FMNL2: variants seen among roughly 807,000 people sequenced by gnomAD.
FMNL2 encodes the protein formin-like protein 2.
A neutral mutation model predicts 130.2 loss-of-function variants in FMNL2; 51 were observed. That is an observed-to-expected ratio of 0.39 (90% CI 0.31 to 0.49). The LOEUF (loss-of-function observed/expected upper bound fraction) is 0.49. Ranked by LOEUF, FMNL2 falls within the 20% of genes least tolerant of loss-of-function variation. FMNL2 has a pLI of 0.85. For missense variants in FMNL2, 977 were observed against 1,316.2 expected (o/e 0.74, Z 3.99); for synonymous variants, 465 against 467.1 (o/e 1.00, Z 0.06).
intron 1 of FMNL2, among the ~76,000 whole-genome samples, chr2:152,519,094 C>G (rs1411813162): frequency 6.6e-6 from 1 of 152,102 alleles, no homozygotes; most frequent in Non-Finnish European, 1.5e-5. Flanking sequence ...TTGAGGCTTC[C>G]CTTGTTCACT....
At chr2:152,490,616 T>TGTGTG (rs70974867) in intron 1 of FMNL2, among the ~76,000 whole-genome samples, 148 of 142,046 alleles carry the variant, frequency 1.0e-3, no homozygotes, top group Middle Eastern at 3.7e-3. Context: ...TGTGTGTGTG[T>TGTGTG]TGGATAAACT....
intron 6 of FMNL2, among the ~76,000 whole-genome samples, chr2:152,562,670 G>A (rs1422976445): frequency 2.0e-5 from 3 of 152,222 alleles, no homozygotes; most frequent in East Asian, 1.9e-4. Context: ...GTAGGCCAAA[G>A]GTTGTGCAAC....
chr2:152,592,743 A>C (rs1420835672), intron 9 of FMNL2, among the ~76,000 whole-genome samples: 1 of 152,202 alleles, frequency 6.6e-6, no homozygotes. Flanking sequence ...AAATGGGCCT[A>C]CTGACGTCTC....
chr2:152,459,183 A>G (rs566244620), intron 1 of FMNL2, among the ~76,000 whole-genome samples: 20 of 152,328 alleles, frequency 1.3e-4, no homozygotes, highest in African/African-American at 4.6e-4. Flanking sequence ...AAGATGGCCA[A>G]TTTTTGAGAA....
chr2:152,618,078 T>C (rs562292478), intron 13 of FMNL2, among the ~76,000 whole-genome samples: 1 of 152,328 alleles, frequency 6.6e-6, no homozygotes, highest in African/African-American at 2.4e-5. Context: ...AGAGATCGCT[T>C]GTACAAGGCC....
intron 1 of FMNL2, among the ~76,000 whole-genome samples, chr2:152,384,278 C>T (rs915876534): frequency 6.6e-6 from 1 of 152,156 alleles, no homozygotes; most frequent in Non-Finnish European, 1.5e-5. Flanking sequence ...CTGTTTGTTA[C>T]TTAAGTTGTA....
intron 1 of FMNL2, among the ~76,000 whole-genome samples, chr2:152,439,952 A>T (rs1212129236): frequency 2.6e-5 from 4 of 151,480 alleles, no homozygotes; most frequent in African/African-American, 9.7e-5. Flanking sequence ...AAAAGTCAGG[A>T]CCTTAACCAC....
chr2:152,424,515 C>T lies in FMNL2; in HGVS notation c.117+88795C>T, dbSNP rs144429629. On this transcript the variant is annotated intron_variant, in intron 1 of 25. Transcript: ENST00000288670. The stretch of plus-strand genomic sequence containing the variant: ...AAGTGATTCTCCTGCCTCAGCCTCC[C>T]GAATAGCTGGGATTACAGGCGTGCG... Among the ~76,000 whole-genome samples, 1,074 of 152,048 alleles carry T rather than the reference C, an allele frequency of 7.1e-3. 12 individuals are homozygous for T. Among genetic ancestry groups the T allele is most frequent in the African/African-American group, 0.024 (1,016 of 41,488 alleles).
At chr2:152,451,975 G>C (rs1312975683) in intron 1 of FMNL2, among the ~76,000 whole-genome samples, 1 of 152,092 alleles carries the variant, frequency 6.6e-6, no homozygotes, top group Non-Finnish European at 1.5e-5. Context: ...CCAGGCCCGT[G>C]GGCTCCCTGG....
intron 1 of FMNL2, among the ~76,000 whole-genome samples, chr2:152,347,998 T>C (rs1246143407): frequency 6.6e-6 from 1 of 151,958 alleles, no homozygotes; most frequent in Non-Finnish European, 1.5e-5. Context: ...CTCCTTCGTA[T>C]TTTTTTCCCC....
intron 9 of FMNL2, among the ~76,000 whole-genome samples, chr2:152,583,772 C>G (rs1696918394): frequency 6.6e-6 from 1 of 152,188 alleles, no homozygotes; most frequent in Admixed American, 6.5e-5. Flanking sequence ...TTATCAGCCC[C>G]AAGCTTCTGC....
At chr2:152,545,674 A>C (rs1694588169) in intron 3 of FMNL2, among the ~76,000 whole-genome samples, 1 of 152,182 alleles carries the variant, frequency 6.6e-6, no homozygotes, top group African/African-American at 2.4e-5. Context: ...GGCTCATCCC[A>C]GGCCTCCCTT....
intron 9 of FMNL2, among the ~76,000 whole-genome samples, chr2:152,602,171 A>G (rs1453305987): frequency 6.6e-6 from 1 of 152,166 alleles, no homozygotes; most frequent in Non-Finnish European, 1.5e-5. Flanking sequence ...AAAGAGAGGC[A>G]GTTGTATTAG....
intron 25 of FMNL2, among the ~76,000 whole-genome samples, chr2:152,646,685 A>C (rs1316086704): frequency 1.3e-5 from 2 of 152,122 alleles, no homozygotes; most frequent in African/African-American, 2.4e-5. Context: ...CAAAAGATTC[A>C]ATTTGGTTTA....
chr2:152,374,414 C>CTGATCAGGTA (rs1241052919), intron 1 of FMNL2, among the ~76,000 whole-genome samples: 41 of 152,222 alleles, frequency 2.7e-4, no homozygotes, highest in African/African-American at 9.6e-4. Flanking sequence ...CGCAGATTTT[C>CTGATCAGGTA]TTGATCAGAT....
intron 1 of FMNL2, among the ~76,000 whole-genome samples, chr2:152,429,846 A>C (rs1687403849): frequency 2.0e-5 from 3 of 152,192 alleles, no homozygotes; most frequent in South Asian, 4.1e-4. Context: ...CTTCTCTGTA[A>C]TATGAAGGTG....
intron 1 of FMNL2, among the ~76,000 whole-genome samples, chr2:152,354,541 T>C (rs895142301): frequency 6.6e-6 from 1 of 152,208 alleles, no homozygotes; most frequent in African/African-American, 2.4e-5. Context: ...TCTGTTTGGG[T>C]TGCGTCCTAC....
At chr2:152,412,200 G>A (rs1197517297) in intron 1 of FMNL2, among the ~76,000 whole-genome samples, 1 of 151,844 alleles carries the variant, frequency 6.6e-6, no homozygotes, top group Non-Finnish European at 1.5e-5. Flanking sequence ...CGAGCACTTG[G>A]CAGGTGGCAT....
intron 9 of FMNL2, among the ~76,000 whole-genome samples, chr2:152,593,569 A>C (rs1697549785): frequency 6.6e-6 from 1 of 152,136 alleles, no homozygotes; most frequent in Non-Finnish European, 1.5e-5. Flanking sequence ...AAATGAAAGA[A>C]AAGGCAATAA....
Sources: allele counts gnomAD v4.1 joint callset (sites outside exome capture counted in the v4.1 genomes callset), GRCh38; gene constraint gnomAD v4.1.1; transcripts MANE v1.5; gene names NCBI Gene and HGNC (gene_info 2026-07-23, HGNC 2026-07-21).